PTGES3: variants seen among roughly 807,000 people sequenced by gnomAD.
PTGES3 encodes the protein Hsp90 co-chaperone.
A neutral mutation model predicts 29.9 loss-of-function variants in PTGES3; 5 were observed. The ratio of observed to expected loss-of-function variants is 0.17; its 90% CI spans 0.09 to 0.35. The LOEUF (loss-of-function observed/expected upper bound fraction) is 0.35. Ranked by LOEUF, PTGES3 falls within the 10% of genes least tolerant of loss-of-function variation. PTGES3 has a pLI of 1.00. For synonymous variants in PTGES3, 49 were observed against 57.8 expected (o/e 0.85, Z 0.69); for missense variants, 128 against 190.0 (o/e 0.67, Z 1.92).
At chr12:56,682,737 G>A (rs1264041453) in intron 1 of PTGES3, among the ~76,000 whole-genome samples, 9 of 36,932 alleles carry the variant, frequency 2.4e-4, no homozygotes, top group Admixed American at 1.1e-3. Context: ...AAAAAAAAAA[G>A]GCCGGGCGTG....
intron 1 of PTGES3, chr12:56,687,425 A>G (rs2137758499): frequency 1.0e-6 from 1 of 987,638 alleles, no homozygotes; most frequent in East Asian, 1.1e-4. Flanking sequence ...CCCACACTCA[A>G]GAAACCCAGA....
intron 6 of PTGES3, 78 bp downstream of exon 6, chr12:56,666,126 T>C: frequency 6.8e-7 from 1 of 1,479,354 alleles, no homozygotes. Flanking sequence ...TGAATCTATA[T>C]AAAACCATTT....
intron 1 of PTGES3, among the ~76,000 whole-genome samples, chr12:56,674,593 G>C (rs548660520): frequency 1.3e-5 from 2 of 151,970 alleles, no homozygotes; most frequent in East Asian, 3.9e-4. Flanking sequence ...TTGGGAGGCC[G>C]AGGCAGGAGG....
Position 56,666,409 on chromosome 12 carries a change from G to A in PTGES3, c.376-143C>T. The A allele has an allele frequency of 7.6e-6, 8 of 1,054,940 alleles. No individual in the cohort carries two copies. The South Asian group carries it at 1.9e-4, about 25-fold the overall frequency. 65.3% of individuals were successfully genotyped at this position (1,054,940 alleles called of 1,614,324 possible). A position where few individuals can be genotyped will look rare whatever the true frequency, so the allele number is the denominator to read the frequency against. On this transcript the variant is annotated intron_variant, in intron 5 of 7. Coordinates refer to ENST00000262033, the MANE Select transcript of PTGES3 (RefSeq NM_006601.7). The stretch of plus-strand genomic sequence containing the variant: ...CAAATATAAGCATCTTTCCCTTCTG[G>A]AAAAGGAAGATTATAGGTAATTATA...
chr12:56,670,246 T>G, intron 5 of PTGES3, 29 bp downstream of exon 5: 1 of 1,474,016 alleles, frequency 6.8e-7, no homozygotes, highest in Non-Finnish European at 9.5e-7. Context: ...GTGCTTCGAA[T>G]GGGGAGAGGT....
At chr12:56,680,135 G>T (rs1386056723) in intron 1 of PTGES3, among the ~76,000 whole-genome samples, 1 of 150,062 alleles carries the variant, frequency 6.7e-6, no homozygotes, top group African/African-American at 2.5e-5. Flanking sequence ...GCAATGGCGC[G>T]ATCACAGCTC....
chr12:56,680,041 T>C (rs942262138), intron 1 of PTGES3, among the ~76,000 whole-genome samples: 1 of 151,688 alleles, frequency 6.6e-6, no homozygotes, highest in African/African-American at 2.4e-5. Context: ...GGAGATTTCA[T>C]AAACGCTGGT....
Position 56,664,263 on chromosome 12 carries a change from G to A in PTGES3, c.*216C>T, listed in dbSNP as rs1951711262. On this transcript the variant is annotated 3_prime_UTR_variant, in exon 8 of 8. Coordinates refer to ENST00000262033, the MANE Select transcript of PTGES3 (RefSeq NM_006601.7). Reference sequence around the variant, plus strand: ...AAGTCTGGGAAATGTTCATGCATAAGGTTATTGCCTTAGCTGACTTAAAAT... The same window carrying A: ...AAGTCTGGGAAATGTTCATGCATAAAGTTATTGCCTTAGCTGACTTAAAAT... The A allele has an allele frequency of 2.1e-6, 1 of 475,118 alleles. No individual in the cohort carries two copies. The highest frequency in any genetic ancestry group is 2.6e-5 in the South Asian group (1 of 38,010). The allele number at this position is 475,118 out of a possible 1,614,324, so 29.4% of individuals were successfully genotyped here. A position where few individuals can be genotyped will look rare whatever the true frequency, so the allele number is the denominator to read the frequency against.
At chr12:56,681,669 G>A (rs12817973) in intron 1 of PTGES3, among the ~76,000 whole-genome samples, 1 of 150,372 alleles carries the variant, frequency 6.7e-6, no homozygotes, top group African/African-American at 2.4e-5. Context: ...CCAACATGGC[G>A]AAACCCCATC....
chr12:56,682,514 C>A (rs1046629996), intron 1 of PTGES3, among the ~76,000 whole-genome samples: 6 of 152,094 alleles, frequency 3.9e-5, no homozygotes, highest in Admixed American at 2.0e-4. Flanking sequence ...AGTGATGACA[C>A]CACTGCACTC....
intron 1 of PTGES3, among the ~76,000 whole-genome samples, chr12:56,680,765 T>C (rs780744707): frequency 7.1e-5 from 9 of 126,112 alleles, no homozygotes; most frequent in Non-Finnish European, 1.3e-4. Context: ...CCACTTGTAG[T>C]TTTTGTTTTT....
chr12:56,682,383 G>C (rs1478711003), intron 1 of PTGES3, among the ~76,000 whole-genome samples: 1 of 152,036 alleles, frequency 6.6e-6, no homozygotes, highest in Non-Finnish European at 1.5e-5. Flanking sequence ...TAGCAACATT[G>C]TGAGACCCCC....
chr12:56,666,613 G>A (rs1321709973), intron 5 of PTGES3, among the ~76,000 whole-genome samples: 2 of 151,986 alleles, frequency 1.3e-5, no homozygotes, highest in Non-Finnish European at 2.9e-5. Flanking sequence ...CTTAAGTTAG[G>A]TGGAACATGT....
Position 56,665,403 on chromosome 12 carries a change from T to C in PTGES3, c.439-603A>G, listed in dbSNP as rs534580627. 1.7e-4 allele frequency: 148 copies of C among 867,882 alleles called. No homozygotes were observed. The African/African-American group carries it at 2.4e-3, about 14-fold the overall frequency. 53.8% of individuals were successfully genotyped at this position (867,882 alleles called of 1,614,324 possible). On this transcript the variant is annotated intron_variant, in intron 6 of 7. Coordinates refer to ENST00000262033, the MANE Select transcript of PTGES3 (RefSeq NM_006601.7). ...TCTGCCTCCCGGGTTCAAGCGATTC[T>C]CCTGCCTCAGCCTCCCAAGTAGCTG...
At chr12:56,676,418 A>C (rs1169724478) in intron 1 of PTGES3, among the ~76,000 whole-genome samples, 1 of 152,094 alleles carries the variant, frequency 6.6e-6, no homozygotes. Context: ...TGCATACTTG[A>C]CAACATGATA....
chr12:56,670,350 A>C lies in PTGES3; in HGVS notation c.300T>G (p.Ser100Arg). Residue 100 changes from serine to arginine, a missense_variant, in exon 5 of 8, where the codon AGT (serine) becomes AGG (arginine). Ser to Arg is a moderately radical substitution (Grantham distance 110). Coordinates refer to ENST00000262033, the MANE Select transcript of PTGES3 (RefSeq NM_006601.7). ...TKERAKLNWLSVDFNNWKDWE... is the reference protein window; with the variant it reads ...TKERAKLNWLRVDFNNWKDWE... The stretch of plus-strand genomic sequence containing the variant: ...AGTCTTTCCAATTATTGAAGTCGAC[A>C]CTAAGCCAATTAAGCTATAAATCAA... 1 of 1,610,934 alleles carries C rather than the reference A, an allele frequency of 6.2e-7. No individual in the cohort carries two copies. The highest frequency in any genetic ancestry group is 1.7e-4 in the Middle Eastern group (1 of 6,054).
intron 6 of PTGES3, chr12:56,665,916 C>T (rs901726865): frequency 7.8e-6 from 8 of 1,023,254 alleles, no homozygotes; most frequent in African/African-American, 3.4e-5. Flanking sequence ...CCACCTCGCC[C>T]GGCCTAAACT....
At chr12:56,668,227 AAT>A (rs1342607038) in intron 5 of PTGES3, among the ~76,000 whole-genome samples, 5 of 152,218 alleles carry the variant, frequency 3.3e-5, no homozygotes, top group African/African-American at 1.2e-4. Context: ...ATCTATCTTG[AAT>A]GAAATGAGTA....
At chr12:56,687,874 C>T (rs903652487) in intron 1 of PTGES3, 124 bp downstream of exon 1, 9 of 1,560,524 alleles carry the variant, frequency 5.8e-6, no homozygotes, top group African/African-American at 2.7e-5. Context: ...CTGGACCTCC[C>T]GCCCCCAGGC....
Sources: gnomAD v4.1 joint callset for allele counts (sites outside exome capture counted in the v4.1 genomes callset) on GRCh38, gnomAD v4.1.1 for gene constraint, MANE v1.5 for transcripts, NCBI Gene and HGNC (gene_info 2026-07-23, HGNC 2026-07-21) for gene names.